The following ERN2 variants were observed in gnomAD, a reference collection of about 807,000 sequenced individuals.
The protein encoded by ERN2 is endoplasmic reticulum to nucleus signaling 2.
ERN2 carries 111 observed loss-of-function variants against 107.9 expected under a neutral mutation model. The ratio of observed to expected loss-of-function variants is 1.03; its 90% confidence interval spans 0.88 to 1.20. The LOEUF (loss-of-function observed/expected upper bound fraction) is 1.20, where lower values mean the gene tolerates loss of function less well. Among genes scored for constraint, ERN2 ranks in the 50% most tolerant of loss-of-function variants. The pLI, the probability that ERN2 is intolerant of heterozygous loss-of-function variation, is 0.00. For missense variants in ERN2, 1,225 were observed against 1,197.9 expected (o/e 1.02, Z -0.33); for synonymous variants, 524 against 501.7 (o/e 1.04, Z -0.59).
intron 17 of ERN2, among the ~76,000 whole-genome samples, 189 bp from the exon 18 acceptor site, chr16:23,692,520 TC>T (rs1403964374): frequency 6.6e-6 from 1 of 152,208 alleles, no homozygotes; most frequent in Admixed American, 6.5e-5. Flanking sequence ...CCCATGGTTT[TC>T]ATCCAAAACC....
chr16:23,694,665 C>T, intron 17 of ERN2, 63 bp downstream of exon 17: 3 of 1,400,756 alleles, frequency 2.1e-6, no homozygotes, highest in South Asian at 2.7e-5. Context: ...GGAACTGGGA[C>T]AGGGACGGAT....
rs757144702 is a variant in ERN2 at position 23,695,010 on chromosome 16, T to G, written c.1900+9A>C. 1.1e-5 allele frequency: 18 copies of G among 1,612,768 alleles called. No homozygotes were observed. In the South Asian group the frequency reaches 2.0e-4, roughly 18 times the overall value. On this transcript the variant is annotated intron_variant, in intron 16 of 21. Transcript: ENST00000256797. ...GACAGGGAGCGGGAGGCAGGGGAAGTGCGGGTACCTATGTGTAAAGAGTGC... is the reference window on the plus strand; with the variant it reads ...GACAGGGAGCGGGAGGCAGGGGAAGGGCGGGTACCTATGTGTAAAGAGTGC...
intron 19 of ERN2, 105 bp from the exon 20 acceptor site, chr16:23,691,530 T>A: frequency 7.3e-7 from 1 of 1,366,150 alleles, no homozygotes; most frequent in Non-Finnish European, 9.9e-7. Flanking sequence ...CAAGGATCAT[T>A]GCCTCTGGGG....
intron 2 of ERN2, 103 bp from the exon 3 acceptor site, chr16:23,710,652 T>A (rs1960503819): frequency 2.3e-6 from 3 of 1,331,916 alleles, no homozygotes; most frequent in Non-Finnish European, 3.2e-6. Flanking sequence ...TGTCAAGCAC[T>A]TGGTGTGAAT....
In ERN2 at chr16:23,713,034, C is replaced by T. The variant is rs1199815932; in HGVS notation, c.93+61G>A. ...CGCCGCGCCCTCGCCCCAAGTGCGA[C>T]GCCGCCCCCTGCGCCCCGCGACCAG... On this transcript the variant is annotated intron_variant, in intron 1 of 21. Coordinates refer to ENST00000256797, the MANE Select transcript of ERN2 (RefSeq NM_033266.4). The T allele has an allele frequency of 4.5e-6, 6 of 1,320,216 alleles. No homozygotes were observed. The African/African-American group carries it at 4.6e-5, about 10-fold the overall frequency. The allele number at this position is 1,320,216 out of a possible 1,614,324, so 81.8% of individuals were successfully genotyped here.
At chr16:23,692,117 G>A in intron 18 of ERN2, 27 bp from the exon 19 acceptor site, 2 of 1,613,728 alleles carry the variant, frequency 1.2e-6, no homozygotes, top group East Asian at 2.2e-5. Flanking sequence ...GAGGAGGAGA[G>A]TCTGCTTCAG....
chr16:23,710,494 A>T, intron 3 of ERN2, 22 bp downstream of exon 3: 3 of 1,613,266 alleles, frequency 1.9e-6, no homozygotes, highest in Non-Finnish European at 2.5e-6. Context: ...CCTCCTCCTT[A>T]AAAGGCCCCA....
intron 1 of ERN2, among the ~76,000 whole-genome samples, chr16:23,711,735 T>A (rs1845186031): frequency 6.6e-6 from 1 of 152,160 alleles, no homozygotes; most frequent in Non-Finnish European, 1.5e-5. Flanking sequence ...ATTGGTTAGG[T>A]CATTGGCATA....
intron 18 of ERN2, 36 bp downstream of exon 18, chr16:23,692,148 G>A (rs372495466): frequency 3.0e-5 from 48 of 1,613,692 alleles, no homozygotes; most frequent in East Asian, 1.3e-4. Context: ...CGTCTTGCCC[G>A]TCCTCCCTTC....
intron 8 of ERN2, among the ~76,000 whole-genome samples, 193 bp downstream of exon 8, chr16:23,704,690 C>T (rs534499291): frequency 2.0e-5 from 3 of 152,222 alleles, no homozygotes; most frequent in East Asian, 3.9e-4. Flanking sequence ...CAGGGGGTCC[C>T]GGGGACACTT....
At chr16:23,708,777 A>T (rs982854301) in intron 4 of ERN2, among the ~76,000 whole-genome samples, 2 of 152,030 alleles carry the variant, frequency 1.3e-5, no homozygotes, top group African/African-American at 2.4e-5. Context: ...CTTCCCCTTC[A>T]TGCCTTCTGC....
chr16:23,706,241 G>A (rs1960301392), intron 7 of ERN2, 89 bp downstream of exon 7: 1 of 913,306 alleles, frequency 1.1e-6, no homozygotes, highest in Admixed American at 3.0e-5. Flanking sequence ...GGGTCGAAAT[G>A]TGGCTGGGAA....
At chr16:23,695,863 G>A in intron 14 of ERN2, 31 bp downstream of exon 14, 5 of 1,577,204 alleles carry the variant, frequency 3.2e-6, no homozygotes, top group Non-Finnish European at 4.4e-6. Flanking sequence ...TGAGTGCCAT[G>A]TCCCCAGCTT....
At chr16:23,691,618 G>A (rs1959601124) in intron 19 of ERN2, among the ~76,000 whole-genome samples, 193 bp from the exon 20 acceptor site, 1 of 152,244 alleles carries the variant, frequency 6.6e-6, no homozygotes, top group Non-Finnish European at 1.5e-5. Context: ...CTATTCTACA[G>A]ATTGAGCAAA....
chr16:23,706,372 G>T lies in ERN2; in HGVS notation c.547C>A (p.Arg183Ser), dbSNP rs576330164. 1 of 1,568,408 alleles carries T rather than the reference G, an allele frequency of 6.4e-7. No homozygotes were observed. The highest frequency in any genetic ancestry group is 1.9e-5 in the Admixed American group (1 of 52,324). ...APALRWNTTY[R>S]RYSAPPMDGS... ...TCCATGGGGGGCGCTGAGTAGCGGC[G>T]GTAGGTGGTGTTCCAGCGCAGGGCT... The change falls in exon 7 of 22, where the codon CGC (arginine) becomes AGC (serine). Residue 183 changes from arginine (R) to serine (S), a missense_variant. Arg to Ser is a moderately radical substitution (Grantham distance 110). Coordinates refer to ENST00000256797, the MANE Select transcript of ERN2 (RefSeq NM_033266.4).
Position 23,702,533 on chromosome 16 carries a change from C to G in ERN2, c.938G>C (p.Arg313Pro), listed in dbSNP as rs1198969580. ...ATCTGCGGGGGCCAGGGTCAGTCCA[C>G]GAGGCTATGGCAGAAGATGGAGAGC... ...LVHTGVALVP[R>P]GLTLAPADGP... The change falls in exon 10 of 22, where the codon CGT becomes CCT. Residue 313 changes from arginine (R) to proline (P), a missense_variant. Arg to Pro is a moderately radical substitution (Grantham distance 103). Transcript: ENST00000256797. 3 of 1,613,876 alleles carry G rather than the reference C, an allele frequency of 1.9e-6. No homozygotes were observed. In the Admixed American group the frequency reaches 5.0e-5, roughly 27 times the overall value.
intron 13 of ERN2, among the ~76,000 whole-genome samples, chr16:23,699,805 C>A (rs147110657): frequency 6.6e-6 from 1 of 152,022 alleles, no homozygotes; most frequent in East Asian, 1.9e-4. Context: ...GTACAAAGGT[C>A]GTTTACTATT....
At chr16:23,704,813 C>G in intron 8 of ERN2, 70 bp downstream of exon 8, 1 of 1,524,942 alleles carries the variant, frequency 6.6e-7, no homozygotes, top group East Asian at 2.3e-5. Context: ...AACATCTCGC[C>G]TGGCCATCAG....
In ERN2 at chr16:23,707,752, G is replaced by A. The variant is rs577502413; in HGVS notation, c.307-673C>T. Among the ~76,000 whole-genome samples, 25 of 152,158 alleles carry A rather than the reference G, an allele frequency of 1.6e-4. No homozygotes were observed. In the South Asian group the frequency reaches 3.3e-3, roughly 20 times the overall value. ...TGAAACAAACAAACAAAAAAAAGCCGCACACACATCAAGTGGGGAGTTTAA... is the reference window on the plus strand; with the variant it reads ...TGAAACAAACAAACAAAAAAAAGCCACACACACATCAAGTGGGGAGTTTAA... On this transcript the variant is annotated intron_variant, in intron 4 of 21. Transcript: ENST00000256797.
Sources: allele counts gnomAD v4.1 joint callset (sites outside exome capture counted in the v4.1 genomes callset), GRCh38; gene constraint gnomAD v4.1.1; transcripts MANE v1.5; gene names NCBI Gene and HGNC (gene_info 2026-07-23, HGNC 2026-07-21).